Variants in L3MBTL3 observed in about 807,000 individuals in gnomAD.
L3MBTL3 encodes the protein lethal(3)malignant brain tumor-like protein 3.
Under a neutral mutation model 102.3 loss-of-function variants are expected in L3MBTL3, and 27 were observed. The ratio of observed to expected loss-of-function variants is 0.26; its 90% CI spans 0.19 to 0.36. The LOEUF is 0.36. L3MBTL3 is among the 10% of genes least tolerant of loss of function. The pLI is 1.00. For missense variants in L3MBTL3, 798 were observed against 955.3 expected, an observed-to-expected ratio of 0.84 and a Z score of 2.17; for synonymous variants, 340 against 320.9, an observed-to-expected ratio of 1.06 and a Z score of -0.64.
intron 19 of L3MBTL3, among the ~76,000 whole-genome samples, chr6:130,109,935 C>T (rs1785244168): frequency 6.6e-6 from 1 of 152,184 alleles, no homozygotes; most frequent in Non-Finnish European, 1.5e-5. Context: ...GTTTTCCCAG[C>T]ACCATTTATT....
chr6:130,083,398 T>C (rs1783488088), intron 14 of L3MBTL3, among the ~76,000 whole-genome samples: 1 of 151,830 alleles, frequency 6.6e-6, no homozygotes, highest in Non-Finnish European at 1.5e-5. Context: ...ATATAAATTA[T>C]ATATATCTAT....
At chr6:130,044,470 G>A (rs1048517415) in intron 3 of L3MBTL3, among the ~76,000 whole-genome samples, 5 of 152,080 alleles carry the variant, frequency 3.3e-5, no homozygotes, top group African/African-American at 1.2e-4. Context: ...ATAGAGTGAA[G>A]TTTCCATCCC....
At chr6:130,063,454 T>G (rs565091561) in intron 10 of L3MBTL3, among the ~76,000 whole-genome samples, 4 of 152,114 alleles carry the variant, frequency 2.6e-5, no homozygotes, top group South Asian at 4.2e-4. Context: ...TTTTTGTTGG[T>G]CCATTTTCAT....
chr6:130,070,077 T>C (rs887312166), intron 12 of L3MBTL3, among the ~76,000 whole-genome samples: 6 of 152,296 alleles, frequency 3.9e-5, no homozygotes, highest in African/African-American at 1.4e-4. Context: ...ATCTGTATAA[T>C]TGAGTCTAAC....
intron 7 of L3MBTL3, among the ~76,000 whole-genome samples, chr6:130,054,227 C>G (rs1781308049): frequency 6.6e-6 from 1 of 152,160 alleles, no homozygotes; most frequent in African/African-American, 2.4e-5. Context: ...GAAGTCTGGT[C>G]ACTGGTTTAG....
chr6:130,062,990 C>CTTTTTTTTTTTTT (rs367985147), intron 10 of L3MBTL3, among the ~76,000 whole-genome samples: 1 of 126,204 alleles, frequency 7.9e-6, no homozygotes. Context: ...TCTTGCCTTT[C>CTTTTTTTTTTTTT]TTTTTTTTTT....
intron 19 of L3MBTL3, among the ~76,000 whole-genome samples, chr6:130,108,583 T>C (rs57650348): frequency 0.019 from 2,957 of 152,280 alleles, 100 homozygotes; most frequent in African/African-American, 0.067. Flanking sequence ...TTACTTTGTT[T>C]CATTATATGT....
At chr6:130,024,072 G>A (rs1240628544) in intron 2 of L3MBTL3, among the ~76,000 whole-genome samples, 1 of 152,108 alleles carries the variant, frequency 6.6e-6, no homozygotes, top group Non-Finnish European at 1.5e-5. Flanking sequence ...AAAGTAGAAG[G>A]GTTGGTGTGA....
chr6:130,056,581 C>G (rs1393243766), intron 8 of L3MBTL3, among the ~76,000 whole-genome samples: 2 of 152,214 alleles, frequency 1.3e-5, no homozygotes, highest in African/African-American at 4.8e-5. Flanking sequence ...TGTGTCTTTT[C>G]AGAGATGACC....
intron 14 of L3MBTL3, 65 bp downstream of exon 14, chr6:130,078,699 T>A: frequency 9.4e-7 from 1 of 1,068,388 alleles, no homozygotes; most frequent in Non-Finnish European, 1.4e-6. Flanking sequence ...ACTTTTTCTG[T>A]AAAGGGCCAG....
At chr6:130,070,154 T>C (rs1782536366) in intron 12 of L3MBTL3, among the ~76,000 whole-genome samples, 1 of 151,366 alleles carries the variant, frequency 6.6e-6, no homozygotes, top group Non-Finnish European at 1.5e-5. Context: ...GAATGACTTG[T>C]AGTGTGTTGT....
chr6:130,131,895 G>C (rs2114409964), intron 20 of L3MBTL3, among the ~76,000 whole-genome samples: 1 of 152,236 alleles, frequency 6.6e-6, no homozygotes, highest in East Asian at 1.9e-4. Flanking sequence ...AGGTCTTTAT[G>C]ACCTGTATCT....
Position 130,133,669 on chromosome 6 carries a change from G to T in L3MBTL3, c.2136+48G>T, listed in dbSNP as rs753041459. The T allele has an allele frequency of 6.2e-7, 1 of 1,600,854 alleles. No individual in the cohort carries two copies. The highest frequency in any genetic ancestry group is 8.5e-7 in the Non-Finnish European group (1 of 1,172,834). On this transcript the variant is annotated intron_variant, in intron 21 of 22. Transcript: ENST00000361794. The surrounding 1 kb of genome is among the most constrained non-coding windows in gnomAD (Gnocchi z 4.9). ...CCCGACACCAGATACAGGATTACTG[G>T]CTTAAGAGGTGTGGAACATTGAGCG... is the stretch of plus-strand genomic sequence containing the variant.
intron 10 of L3MBTL3, among the ~76,000 whole-genome samples, chr6:130,063,308 G>A (rs1224762845): frequency 6.6e-6 from 1 of 152,158 alleles, no homozygotes; most frequent in East Asian, 1.9e-4. Flanking sequence ...TGAGGATGGA[G>A]AAAGTGGGAT....
At chr6:130,088,456 G>A (rs1425346168) in intron 16 of L3MBTL3, among the ~76,000 whole-genome samples, 1 of 152,178 alleles carries the variant, frequency 6.6e-6, no homozygotes, top group Non-Finnish European at 1.5e-5. Context: ...CAAGTTATTA[G>A]TGTAGCTTAA....
At chr6:130,067,352 G>A (rs1584362600) in intron 11 of L3MBTL3, among the ~76,000 whole-genome samples, 2 of 152,290 alleles carry the variant, frequency 1.3e-5, no homozygotes, top group East Asian at 3.9e-4. Flanking sequence ...GGCCTCAAGT[G>A]ATCTGCCCAC....
At chr6:130,067,089 G>A (rs757783933) in intron 11 of L3MBTL3, among the ~76,000 whole-genome samples, 8 of 152,034 alleles carry the variant, frequency 5.3e-5, no homozygotes, top group African/African-American at 7.3e-5. Context: ...AACAGATATC[G>A]TCTTTTTCAC....
intron 6 of L3MBTL3, among the ~76,000 whole-genome samples, chr6:130,052,392 A>G (rs984828056): frequency 2.0e-5 from 3 of 152,236 alleles, no homozygotes; most frequent in African/African-American, 7.2e-5. Flanking sequence ...GGTGTGAGCC[A>G]CTGCGCCCAA....
intron 2 of L3MBTL3, among the ~76,000 whole-genome samples, chr6:130,029,408 A>G (rs910923548): frequency 3.3e-5 from 5 of 152,236 alleles, no homozygotes; most frequent in Non-Finnish European, 7.3e-5. Flanking sequence ...CATTTGGTAC[A>G]TGAGGACGTT....
Sources: allele counts gnomAD v4.1 joint callset (sites outside exome capture counted in the v4.1 genomes callset), GRCh38; gene constraint gnomAD v4.1.1; non-coding constraint Gnocchi (gnomAD v3.1); transcripts MANE v1.5; gene names NCBI Gene and HGNC (gene_info 2026-07-23, HGNC 2026-07-21).